CHSY3: variants seen among roughly 807,000 people sequenced by gnomAD.
CHSY3 encodes the protein N-acetylgalactosaminyl-proteoglycan 3-beta-glucuronosyltransferase 3.
CHSY3 carries 35 observed loss-of-function variants against 67.2 expected under a neutral mutation model. That is an observed-to-expected ratio of 0.52 (90% CI 0.40 to 0.69). The LOEUF (loss-of-function observed/expected upper bound fraction) is 0.69, where lower values mean the gene tolerates loss of function less well. Among genes scored for constraint, CHSY3 ranks in the 30% least tolerant of loss-of-function variants. The probability of loss-of-function intolerance (pLI) is 0.00; values close to 1 mark genes in which losing one functional copy is unlikely to be tolerated. For synonymous variants in CHSY3, 474 were observed against 434.7 expected (o/e 1.09, Z -1.12); for missense variants, 1,069 against 1,138.5 (o/e 0.94, Z 0.88).
At chr5:130,084,271 TA>T (rs1431923739) in intron 2 of CHSY3, among the ~76,000 whole-genome samples, 6 of 152,170 alleles carry the variant, frequency 3.9e-5, no homozygotes, top group African/African-American at 1.2e-4. Context: ...TGACTATAGC[TA>T]CTAATAATGC....
intron 2 of CHSY3, among the ~76,000 whole-genome samples, chr5:129,934,854 G>T (rs1422012254): frequency 6.6e-6 from 1 of 152,150 alleles, no homozygotes; most frequent in Non-Finnish European, 1.5e-5. Context: ...CTCACTGAGA[G>T]GGACTTTGCA....
intron 2 of CHSY3, among the ~76,000 whole-genome samples, chr5:130,162,371 A>T (rs1395757600): frequency 6.6e-6 from 1 of 152,114 alleles, no homozygotes. Flanking sequence ...TCCCCATTTA[A>T]AAAAATGAGA....
intron 2 of CHSY3, among the ~76,000 whole-genome samples, chr5:129,970,126 G>A (rs1269035003): frequency 1.3e-5 from 2 of 151,744 alleles, no homozygotes; most frequent in South Asian, 2.1e-4. Context: ...TACATTTAAT[G>A]TAGATCTCCA....
intron 2 of CHSY3, among the ~76,000 whole-genome samples, chr5:130,041,844 A>G (rs778813678): frequency 2.0e-5 from 3 of 152,268 alleles, no homozygotes; most frequent in East Asian, 3.9e-4. Flanking sequence ...CTTAATACAT[A>G]TTTTAGTGAT....
intron 2 of CHSY3, among the ~76,000 whole-genome samples, chr5:129,982,580 G>T (rs534929755): frequency 1.8e-4 from 28 of 151,830 alleles, no homozygotes; most frequent in African/African-American, 6.5e-4. Flanking sequence ...TTTTTAAAGG[G>T]TAAAGAACAG....
At position 130,184,356 on chromosome 5, in the gene CHSY3, T is replaced by G; in HGVS notation, c.1214T>G (p.Leu405Arg). The part of the protein sequence containing the change: ...PNKRPAYQYR[L>R]HNYMLSRKIS... ...AAAAGGCCTGCATACCAATACAGGC[T>G]GCATAATTACATGCTCAGCCGCAAA... Residue 405 changes from leucine (L) to arginine (R), a missense_variant, in exon 3 of 3, where the codon CTG becomes CGG. Leu to Arg is a moderately radical substitution (Grantham distance 102). Around this residue, in one of 5 missense-constraint regions of CHSY3, gnomAD observed 216 missense variants for 311.5 expected, o/e 0.69. Transcript: ENST00000305031. 1 of 1,613,992 alleles carries G rather than the reference T, an allele frequency of 6.2e-7. No individual in the cohort carries two copies. Among genetic ancestry groups the G allele is most frequent in the Non-Finnish European group, 8.5e-7 (1 of 1,179,854 alleles).
chr5:129,988,964 C>T (rs1763279895), intron 2 of CHSY3, among the ~76,000 whole-genome samples: 2 of 152,134 alleles, frequency 1.3e-5, no homozygotes, highest in African/African-American at 4.8e-5. Flanking sequence ...TCACATCTGG[C>T]ATATATCTTC....
intron 2 of CHSY3, among the ~76,000 whole-genome samples, chr5:130,040,803 A>G (rs938651714): frequency 6.6e-6 from 1 of 152,096 alleles, no homozygotes; most frequent in African/African-American, 2.4e-5. Context: ...CTGTTTTTTC[A>G]AGGCTCTTCC....
At chr5:130,163,253 T>A (rs1435014399) in intron 2 of CHSY3, among the ~76,000 whole-genome samples, 5 of 152,314 alleles carry the variant, frequency 3.3e-5, no homozygotes, top group Middle Eastern at 3.4e-3. Flanking sequence ...TTGATTAAAA[T>A]AAGAATGAAA....
chr5:130,085,691 A>T (rs550114390), intron 2 of CHSY3, among the ~76,000 whole-genome samples: 1 of 151,964 alleles, frequency 6.6e-6, no homozygotes, highest in Non-Finnish European at 1.5e-5. Context: ...AGTGCTTTTA[A>T]TTGTGATGTT....
rs191333320 is a variant in CHSY3, at chr5:130,156,002, T to C, written c.1087-28227T>C. ...GAGCAGCTGTATCTGCTAATCCAAA[T>C]CAATAGATCTTATGGTATGAGGAGT... On this transcript the variant is annotated intron_variant, in intron 2 of 2. Coordinates refer to ENST00000305031, the MANE Select transcript of CHSY3 (RefSeq NM_175856.5). Among the ~76,000 whole-genome samples, 474 of 152,326 alleles carry C rather than the reference T, an allele frequency of 3.1e-3. 3 individuals carry two copies. Among genetic ancestry groups the C allele is most frequent in the African/African-American group, 0.011 (459 of 41,576 alleles).
At chr5:129,938,141 C>T (rs1333430537) in intron 2 of CHSY3, among the ~76,000 whole-genome samples, 1 of 152,180 alleles carries the variant, frequency 6.6e-6, no homozygotes, top group Non-Finnish European at 1.5e-5. Flanking sequence ...GGGCTTGTAC[C>T]CTCCAAAGCA....
intron 2 of CHSY3, among the ~76,000 whole-genome samples, chr5:130,086,996 G>A: frequency 6.6e-6 from 1 of 151,444 alleles, no homozygotes; most frequent in African/African-American, 2.4e-5. Flanking sequence ...GAATCCAGCA[G>A]CACATCAAAA....
At chr5:130,036,703 G>C (rs1764871508) in intron 2 of CHSY3, among the ~76,000 whole-genome samples, 1 of 152,090 alleles carries the variant, frequency 6.6e-6, no homozygotes, top group South Asian at 2.1e-4. Context: ...GTGTGGAAAG[G>C]TTTTTGTTTT....
At chr5:130,046,823 G>A (rs558762582) in intron 2 of CHSY3, among the ~76,000 whole-genome samples, 41 of 151,956 alleles carry the variant, frequency 2.7e-4, no homozygotes, top group African/African-American at 9.6e-4. Flanking sequence ...AGATTATTTT[G>A]TGATCTCTTA....
At chr5:130,159,525 T>G (rs1340964654) in intron 2 of CHSY3, among the ~76,000 whole-genome samples, 1 of 152,210 alleles carries the variant, frequency 6.6e-6, no homozygotes, top group African/African-American at 2.4e-5. Flanking sequence ...CACTTTAAAT[T>G]TAGTTTTAAG....
chr5:129,906,179 T>C (rs904988179), intron 1 of CHSY3, among the ~76,000 whole-genome samples: 3 of 152,154 alleles, frequency 2.0e-5, no homozygotes, highest in African/African-American at 7.2e-5. Flanking sequence ...TCCCGGACCC[T>C]TTCCTATGTG....
chr5:129,932,650 T>G (rs891948798), intron 2 of CHSY3, among the ~76,000 whole-genome samples: 2 of 152,156 alleles, frequency 1.3e-5, no homozygotes, highest in African/African-American at 4.8e-5. Flanking sequence ...TGTATTAGTT[T>G]ATGTATATTA....
chr5:130,048,861 A>G (rs1393256169), intron 2 of CHSY3, among the ~76,000 whole-genome samples: 1 of 152,010 alleles, frequency 6.6e-6, no homozygotes, highest in African/African-American at 2.4e-5. Context: ...TGGTGGTCAA[A>G]TAATACAAAA....
Sources: gnomAD v4.1 joint callset for allele counts (sites outside exome capture counted in the v4.1 genomes callset) on GRCh38, gnomAD v4.1.1 for gene constraint, gnomAD v4.1.1 regional missense constraint, MANE v1.5 for transcripts, NCBI Gene and HGNC (gene_info 2026-07-23, HGNC 2026-07-21) for gene names.